Variants in DNAH11 observed in about 807,000 individuals in gnomAD.
DNAH11 encodes the protein dynein axonemal heavy chain 11, also known as axonemal beta dynein heavy chain 11.
In DNAH11, 442 loss-of-function variants were observed where a neutral mutation model predicts 526.0. The observed-to-expected ratio is 0.84, with a 90% CI of 0.78 to 0.91. The LOEUF (loss-of-function observed/expected upper bound fraction) is 0.91, where lower values mean the gene tolerates loss of function less well. Ranked by LOEUF, DNAH11 falls within the 40% of genes least tolerant of loss-of-function variation. The pLI, the probability that DNAH11 is intolerant of heterozygous loss-of-function variation, is 0.00. For synonymous variants in DNAH11, 2,461 were observed against 1,935.9 expected (o/e 1.27, Z -7.12); for missense variants, 6,989 against 5,448.7 (o/e 1.28, Z -8.90).
chr7:21,859,452 A>G (rs1443987942), intron 68 of DNAH11, among the ~76,000 whole-genome samples: 1 of 152,236 alleles, frequency 6.6e-6, no homozygotes, highest in African/African-American at 2.4e-5. Flanking sequence ...TCCATCCCCA[A>G]GACATCTCAT....
intron 28 of DNAH11, among the ~76,000 whole-genome samples, chr7:21,648,307 G>C (rs2030672): frequency 0.5 from 75,993 of 152,020 alleles, 19,407 homozygotes; most frequent in Non-Finnish European, 0.56. Flanking sequence ...CATGCCCTTT[G>C]AATGTGATGT....
intron 57 of DNAH11, among the ~76,000 whole-genome samples, chr7:21,780,640 G>T (rs1323042490): frequency 1.3e-5 from 2 of 152,132 alleles, no homozygotes; most frequent in Non-Finnish European, 2.9e-5. Context: ...AAAGGAGAAA[G>T]AAGTTTTAGC....
chr7:21,806,696 A>G (rs1202209116), intron 62 of DNAH11, among the ~76,000 whole-genome samples: 1 of 152,162 alleles, frequency 6.6e-6, no homozygotes, highest in Non-Finnish European at 1.5e-5. Context: ...TTCAGGTTCT[A>G]TTAATTTGCA....
At chr7:21,551,987 A>C (rs937877618) in intron 2 of DNAH11, among the ~76,000 whole-genome samples, 5 of 152,170 alleles carry the variant, frequency 3.3e-5, no homozygotes, top group African/African-American at 1.2e-4. Flanking sequence ...GGCCCCACCA[A>C]AGGTTAGCTT....
Position 21,683,939 on chromosome 7 carries a change from T to G in DNAH11, c.5616T>G (p.Thr1872=). The G allele has an allele frequency of 6.2e-7, 1 of 1,612,356 alleles. No homozygotes were observed. Among genetic ancestry groups the G allele is most frequent in the Non-Finnish European group, 8.5e-7 (1 of 1,179,052 alleles). Residue 1872 remains threonine (T), a synonymous_variant, in exon 32 of 82, where the codon ACT becomes ACG. Coordinates refer to ENST00000409508, the MANE Select transcript of DNAH11 (RefSeq NM_001277115.2). ...NSPRLVITPL[T]DRCYITLTQS... is the part of the protein sequence containing the mutation. ...CTCGACTAGTGATCACTCCTCTAAC[T>G]GACAGGTAACAATTCAAAGTTTCCG...
At chr7:21,832,140 C>T (rs1395010762) in intron 65 of DNAH11, among the ~76,000 whole-genome samples, 1 of 151,988 alleles carries the variant, frequency 6.6e-6, no homozygotes, top group Non-Finnish European at 1.5e-5. Context: ...TTGTGAGAAC[C>T]TCATGCTTCT....
intron 46 of DNAH11, among the ~76,000 whole-genome samples, chr7:21,737,613 A>G (rs551105090): frequency 3.3e-5 from 5 of 152,322 alleles, no homozygotes; most frequent in Admixed American, 3.3e-4. Context: ...CCAGAATTGT[A>G]GAAAAGGAGG....
chr7:21,554,478 G>C (rs1783144606), intron 2 of DNAH11, among the ~76,000 whole-genome samples: 1 of 151,886 alleles, frequency 6.6e-6, no homozygotes, highest in African/African-American at 2.4e-5. Context: ...CTGGCCCCTT[G>C]GGATCATTAT....
At chr7:21,711,453 A>G (rs368128332) in intron 41 of DNAH11, among the ~76,000 whole-genome samples, 1 of 152,290 alleles carries the variant, frequency 6.6e-6, no homozygotes. Context: ...TTTACAATAC[A>G]TGTCTTATAT....
intron 14 of DNAH11, among the ~76,000 whole-genome samples, chr7:21,595,899 A>T (rs1404745856): frequency 6.6e-6 from 1 of 152,130 alleles, no homozygotes; most frequent in Non-Finnish European, 1.5e-5. Flanking sequence ...GGACCAGCCA[A>T]AGATGCAGAA....
intron 22 of DNAH11, among the ~76,000 whole-genome samples, chr7:21,616,854 A>G (rs905452639): frequency 2.6e-5 from 4 of 152,198 alleles, no homozygotes; most frequent in African/African-American, 9.7e-5. Context: ...AAGACAGAGC[A>G]TCTTTGGATA....
At chr7:21,551,845 A>G (rs1783035551) in intron 2 of DNAH11, among the ~76,000 whole-genome samples, 1 of 150,254 alleles carries the variant, frequency 6.7e-6, no homozygotes, top group African/African-American at 2.5e-5. Context: ...ATTTAGGCAA[A>G]TATTTGTTGT....
Position 21,741,907 on chromosome 7 carries a change from A to G in DNAH11, c.7915-20A>G. 1 of 1,612,506 alleles carries G rather than the reference A, an allele frequency of 6.2e-7. No homozygotes were observed. Among genetic ancestry groups the G allele is most frequent in the Non-Finnish European group, 8.5e-7 (1 of 1,179,268 alleles). The stretch of plus-strand genomic sequence containing the variant: ...GTACAATTGTAATCCTTACACTCTT[A>G]TATTTGCTTTTCTTTTCAGAGACAT... On this transcript the variant is annotated intron_variant, in intron 48 of 81. Coordinates refer to ENST00000409508, the MANE Select transcript of DNAH11 (RefSeq NM_001277115.2).
intron 39 of DNAH11, among the ~76,000 whole-genome samples, chr7:21,705,855 A>T (rs1784242966): frequency 6.6e-6 from 1 of 152,176 alleles, no homozygotes; most frequent in East Asian, 1.9e-4. Context: ...ATCCTACCTT[A>T]TGCACCTTTC....
chr7:21,775,968 A>G (rs554570704), intron 56 of DNAH11, among the ~76,000 whole-genome samples: 20 of 152,232 alleles, frequency 1.3e-4, no homozygotes, highest in Middle Eastern at 6.8e-3. Flanking sequence ...GCCATACTTA[A>G]AGGTTGTGAG....
chr7:21,683,977 A>C, intron 32 of DNAH11, 33 bp downstream of exon 32: 1 of 1,608,482 alleles, frequency 6.2e-7, no homozygotes, highest in Non-Finnish European at 8.5e-7. Context: ...CAGATAGGAA[A>C]AACAACCCAA....
chr7:21,891,490 T>C (rs1045967742), intron 76 of DNAH11, among the ~76,000 whole-genome samples: 2 of 152,264 alleles, frequency 1.3e-5, no homozygotes, highest in Non-Finnish European at 2.9e-5. Flanking sequence ...ACTTAGAAAA[T>C]TGTAAGCACT....
chr7:21,851,553 C>T, intron 66 of DNAH11: 1 of 471,520 alleles, frequency 2.1e-6, no homozygotes, highest in Non-Finnish European at 4.4e-6. Context: ...GAGCTTATGT[C>T]ATAATGGTTA....
intron 5 of DNAH11, 140 bp from the exon 6 acceptor site, chr7:21,564,046 A>G: frequency 1.8e-6 from 1 of 557,362 alleles, no homozygotes; most frequent in Non-Finnish European, 3.0e-6. Flanking sequence ...AGATTGTAGG[A>G]TAAGTAATAT....
Sources: allele counts gnomAD v4.1 joint callset (sites outside exome capture counted in the v4.1 genomes callset), GRCh38; gene constraint gnomAD v4.1.1; transcripts MANE v1.5; gene names NCBI Gene and HGNC (gene_info 2026-07-23, HGNC 2026-07-21).